The following SP100 variants were observed in gnomAD, a reference collection of about 807,000 sequenced individuals.
SP100 encodes the protein nuclear autoantigen Sp-100.
A neutral mutation model predicts 130.0 loss-of-function variants in SP100; 84 were observed. The observed-to-expected ratio is 0.65, with a 90% CI of 0.54 to 0.77. The LOEUF (loss-of-function observed/expected upper bound fraction) is 0.77. Among genes scored for constraint, SP100 ranks in the 30% least tolerant of loss-of-function variants. SP100 has a pLI of 0.00. For synonymous variants in SP100, 331 were observed against 351.7 expected (o/e 0.94, Z 0.66); for missense variants, 978 against 1,052.2 (o/e 0.93, Z 0.97).
intron 15 of SP100, chr2:230,470,393 A>G: frequency 9.6e-7 from 1 of 1,046,676 alleles, no homozygotes; most frequent in Admixed American, 5.2e-5. Flanking sequence ...CATTCCTATT[A>G]ACACTAAGAT....
chr2:230,449,200 C>G, intron 6 of SP100, 50 bp downstream of exon 6: 1 of 1,585,464 alleles, frequency 6.3e-7, no homozygotes, highest in East Asian at 2.2e-5. Flanking sequence ...TTGCCCCTTT[C>G]TGGAATGTGC....
At chr2:230,495,866 A>G (rs1013024481) in intron 18 of SP100, among the ~76,000 whole-genome samples, 2 of 152,206 alleles carry the variant, frequency 1.3e-5, no homozygotes, top group Non-Finnish European at 2.9e-5. Flanking sequence ...TTTTTCCTCT[A>G]GAGCTAAAGC....
rs1649901 is a variant in SP100 at position 230,545,434 on chromosome 2, G to A, written c.*2488G>A. Among the ~76,000 whole-genome samples, 91,178 of 151,956 alleles carry A rather than the reference G, an allele frequency of 0.6. 28,016 individuals are homozygous for A. The highest frequency in any genetic ancestry group is 0.67 in the Non-Finnish European group (45,687 of 67,952). ...ACACTAGGGTCTACTTGAGGGTGGA[G>A]GATGGGAAGAGGGAGAGGAGCAGAA... On this transcript the variant is annotated 3_prime_UTR_variant, in exon 29 of 29. Coordinates refer to ENST00000340126, the MANE Select transcript of SP100 (RefSeq NM_001080391.2).
intron 24 of SP100, among the ~76,000 whole-genome samples, chr2:230,532,182 C>T (rs73098989): frequency 0.012 from 1,802 of 151,806 alleles, 47 homozygotes; most frequent in African/African-American, 0.041. Flanking sequence ...TTACTTCTAA[C>T]GATCTAGAGA....
At chr2:230,504,628 A>G (rs2067217847) in intron 21 of SP100, among the ~76,000 whole-genome samples, 1 of 152,220 alleles carries the variant, frequency 6.6e-6, no homozygotes, top group African/African-American at 2.4e-5. Flanking sequence ...GTTGTCTACC[A>G]GGGAAACCAG....
At chr2:230,452,158 A>G (rs1030129337) in intron 8 of SP100, among the ~76,000 whole-genome samples, 5 of 148,910 alleles carry the variant, frequency 3.4e-5, no homozygotes, top group African/African-American at 1.2e-4. Context: ...TTGTTTTTCT[A>G]TTTCTCAAAA....
At chr2:230,502,725 G>T (rs898923621) in intron 19 of SP100, among the ~76,000 whole-genome samples, 2 of 152,140 alleles carry the variant, frequency 1.3e-5, no homozygotes, top group Non-Finnish European at 2.9e-5. Context: ...GTTAAGCATC[G>T]TGGCTGTAAC....
intron 24 of SP100, among the ~76,000 whole-genome samples, chr2:230,528,285 T>C (rs770080724): frequency 5.3e-5 from 8 of 152,126 alleles, no homozygotes; most frequent in Non-Finnish European, 1.2e-4. Flanking sequence ...TACTCAAAAC[T>C]GCACAACTAC....
Position 230,464,049 on chromosome 2 carries a change from T to C in SP100, c.1058-18T>C, listed in dbSNP as rs962452641. On this transcript the variant is annotated intron_variant, in intron 10 of 28. Coordinates refer to ENST00000340126, the MANE Select transcript of SP100 (RefSeq NM_001080391.2). ...GTCACACACTGAGACCTCTAAAGAATCCCATTCTTTTGTGCAGTGATCAAT... is the reference window on the plus strand; with the variant it reads ...GTCACACACTGAGACCTCTAAAGAACCCCATTCTTTTGTGCAGTGATCAAT... 6.4e-7 allele frequency: 1 copy of C among 1,562,204 alleles called. No homozygotes were observed. Among genetic ancestry groups the C allele is most frequent in the South Asian group, 1.1e-5 (1 of 89,920 alleles).
At chr2:230,502,693 G>T (rs528445108) in intron 19 of SP100, among the ~76,000 whole-genome samples, 49 of 152,192 alleles carry the variant, frequency 3.2e-4, no homozygotes, top group Non-Finnish European at 5.4e-4. Flanking sequence ...GACGTTAATA[G>T]AGAAATATAG....
chr2:230,461,283 A>G lies in SP100; in HGVS notation c.842A>G (p.Asn281Ser), dbSNP rs546582941. Residue 281 changes from asparagine to serine, a missense_variant, in exon 9 of 29, where the codon AAC becomes AGC. Coordinates refer to ENST00000340126, the MANE Select transcript of SP100 (RefSeq NM_001080391.2). ...DEESPEAELH[N>S]HGIQINSCSV... ...TTAGGCCCAGAGGCAGAGCTACACA[A>G]CCATGGAATCCAAATTAATTCCTGT... is the stretch of plus-strand genomic sequence containing the variant. 6.2e-7 allele frequency: 1 copy of G among 1,614,166 alleles called. No homozygotes were observed. The highest frequency in any genetic ancestry group is 1.1e-5 in the South Asian group (1 of 91,088).
intron 17 of SP100, among the ~76,000 whole-genome samples, chr2:230,491,447 A>C (rs13020940): frequency 0.22 from 34,009 of 152,168 alleles, 4,968 homozygotes; most frequent in African/African-American, 0.42. Flanking sequence ...CTCTGGCTGT[A>C]GTAGGCCACA....
intron 13 of SP100, among the ~76,000 whole-genome samples, chr2:230,468,109 T>C (rs1278944873): frequency 6.6e-6 from 1 of 152,106 alleles, no homozygotes; most frequent in East Asian, 1.9e-4. Flanking sequence ...TAACTATTGT[T>C]CCCCCCATTT....
chr2:230,455,373 C>A (rs1446476173), intron 8 of SP100, among the ~76,000 whole-genome samples: 1 of 152,164 alleles, frequency 6.6e-6, no homozygotes, highest in African/African-American at 2.4e-5. Flanking sequence ...TTTATCATGA[C>A]CTTTTTTGCC....
At chr2:230,443,406 T>C (rs572182127) in intron 3 of SP100, among the ~76,000 whole-genome samples, 1 of 152,348 alleles carries the variant, frequency 6.6e-6, no homozygotes, top group South Asian at 2.1e-4. Context: ...GTACAATGTT[T>C]TGTAGAATTC....
At chr2:230,452,818 G>GTTTTTTTTTTTTTTTTTTTTTTTTTTTT (rs371944455) in intron 8 of SP100, among the ~76,000 whole-genome samples, 2 of 122,064 alleles carry the variant, frequency 1.6e-5, no homozygotes, top group Non-Finnish European at 3.4e-5. Flanking sequence ...AGTTCTAGCA[G>GTTTTTTTTTTTTTTTTTTTTTTTTTTTT]TTTTTTTTTT....
At chr2:230,532,515 T>C (rs1478041889) in intron 24 of SP100, among the ~76,000 whole-genome samples, 1 of 146,596 alleles carries the variant, frequency 6.8e-6, no homozygotes, top group African/African-American at 2.5e-5. Context: ...TTAAGTGACA[T>C]TCACTTAGAT....
chr2:230,423,779 G>A (rs1312678232), intron 2 of SP100, among the ~76,000 whole-genome samples: 1 of 152,076 alleles, frequency 6.6e-6, no homozygotes. Context: ...GAAGTGTTTG[G>A]GAGTAGCTTT....
chr2:230,508,146 A>G (rs1482181359), intron 23 of SP100, 115 bp downstream of exon 23: 1 of 1,511,964 alleles, frequency 6.6e-7, no homozygotes, highest in African/African-American at 1.4e-5. Context: ...ATTTTATAAT[A>G]TGATGCTTTT....
Sources: gnomAD v4.1 joint callset for allele counts (sites outside exome capture counted in the v4.1 genomes callset) on GRCh38, gnomAD v4.1.1 for gene constraint, MANE v1.5 for transcripts, NCBI Gene and HGNC (gene_info 2026-07-23, HGNC 2026-07-21) for gene names.